CALHM4: variants seen among roughly 807,000 people sequenced by gnomAD.
CALHM4 encodes the protein calcium homeostasis modulator protein 4.
Under a neutral mutation model 13.3 loss-of-function variants are expected in CALHM4, and 16 were observed. The observed-to-expected ratio is 1.20, with a 90% CI of 0.81 to 1.82. CALHM4 has a LOEUF of 1.82. Among genes scored for constraint, CALHM4 ranks in the 40% most tolerant of loss-of-function variants. CALHM4 has a pLI of 0.00. For synonymous variants in CALHM4, 127 were observed against 137.1 expected (o/e 0.93, Z 0.52); for missense variants, 344 against 374.9 (o/e 0.92, Z 0.68).
At chr6:116,531,352 A>C (rs1021671284) in intron 1 of CALHM4, among the ~76,000 whole-genome samples, 1 of 152,166 alleles carries the variant, frequency 6.6e-6, no homozygotes, top group African/African-American at 2.4e-5. Context: ...AAAAACTGTG[A>C]AACACCAGAA....
At chr6:116,553,096 C>T (rs952347698), upstream of CALHM4, among the ~76,000 whole-genome samples, 1 of 152,196 alleles carries the variant, frequency 6.6e-6, no homozygotes, top group African/African-American at 2.4e-5. Context: ...AACAACAAAA[C>T]AAATATCACA....
intron 1 of CALHM4, chr6:116,543,635 A>G: frequency 3.0e-6 from 2 of 665,458 alleles, no homozygotes; most frequent in South Asian, 3.6e-5. Flanking sequence ...TCGTAACATG[A>G]TAACATCTTT....
intron 1 of CALHM4, among the ~76,000 whole-genome samples, chr6:116,541,745 A>G (rs931241142): frequency 3.9e-5 from 6 of 152,200 alleles, no homozygotes; most frequent in Non-Finnish European, 5.9e-5. Context: ...GTGTTTTCTA[A>G]TTCTCACTTT....
In CALHM4 at chr6:116,560,336, T is replaced by A. The variant is rs1774529099; in HGVS notation, c.*2125T>A. 6.6e-6 allele frequency among the ~76,000 whole-genome samples: 1 copy of A among 152,194 alleles called. No individual in the cohort carries two copies. The highest frequency in any genetic ancestry group is 1.5e-5 in the Non-Finnish European group (1 of 68,016). ...CAAAGAATATTTGAAGTTATAGCAT[T>A]ACATCATCAGAAAGAAGATTAATAG... On this transcript the variant is annotated 3_prime_UTR_variant, in exon 2 of 2. Transcript: ENST00000368596.
chr6:116,543,114 C>G (rs540469071), intron 1 of CALHM4, among the ~76,000 whole-genome samples: 47 of 152,116 alleles, frequency 3.1e-4, no homozygotes, highest in Non-Finnish European at 6.0e-4. Flanking sequence ...GGAAAAAAAT[C>G]CTTCCTATTA....
intron 1 of CALHM4, among the ~76,000 whole-genome samples, chr6:116,529,886 G>A (rs950690641): frequency 1.3e-5 from 2 of 152,174 alleles, no homozygotes; most frequent in African/African-American, 4.8e-5. Flanking sequence ...GTGTGTAAGA[G>A]GAGTGTGTGC....
At chr6:116,552,047 T>C (rs184180172), upstream of CALHM4, among the ~76,000 whole-genome samples, 111 of 152,368 alleles carry the variant, frequency 7.3e-4, no homozygotes, top group African/African-American at 2.6e-3. Flanking sequence ...GTGTCTTTCC[T>C]TGGGGCTCAT....
chr6:116,530,408 T>C (rs1431290805), intron 1 of CALHM4, among the ~76,000 whole-genome samples: 1 of 152,072 alleles, frequency 6.6e-6, no homozygotes, highest in East Asian at 1.9e-4. Flanking sequence ...GAAAAAGACT[T>C]AGAAAAAAGA....
At chr6:116,541,478 TAAA>T (rs907780286) in intron 1 of CALHM4, among the ~76,000 whole-genome samples, 1 of 152,152 alleles carries the variant, frequency 6.6e-6, no homozygotes, top group African/African-American at 2.4e-5. Context: ...CCAGAGGCTC[TAAA>T]AAGAGATGAA....
Position 116,554,136 on chromosome 6 carries a change from C to A in CALHM4, c.343C>A (p.Pro115Thr). The A allele has an allele frequency of 6.4e-7, 1 of 1,550,590 alleles. No homozygotes were observed. The highest frequency in any genetic ancestry group is 8.7e-7 in the Non-Finnish European group (1 of 1,146,994). Reference protein sequence around the residue: ...FSITGRAVIAPLTWLAVTLLT... With the variant: ...FSITGRAVIATLTWLAVTLLT... ...CATCACTGGGAGGGCAGTTATTGCT[C>A]CTTTAACTTGGCTGGCGGTGACCCT... The change falls in exon 1 of 2, where the codon CCT becomes ACT. Residue 115 changes from proline to threonine, a missense_variant. Transcript: ENST00000368596.
Position 116,537,459 on chromosome 6 carries a change from A to G in CALHM4, c.-108-6306A>G, listed in dbSNP as rs145506180. On this transcript the variant is annotated intron_variant, in intron 1 of 2. Coordinates refer to the CALHM4 transcript ENST00000368597. The stretch of plus-strand genomic sequence containing the variant: ...AATATGGTTTCTGAATATAATTTCT[A>G]AATGGGGAACATTCTGGGTTTTTTT... Among the ~76,000 whole-genome samples the G allele has an allele frequency of 1.6e-3, 251 of 152,330 alleles. 1 individual carries two copies. The highest frequency in any genetic ancestry group is 3.0e-3 in the Non-Finnish European group (207 of 68,026).
At chr6:116,557,769 C>G (rs1022655083) in intron 1 of CALHM4, 56 bp from the exon 2 acceptor site, 3 of 1,553,968 alleles carry the variant, frequency 1.9e-6, no homozygotes, top group Middle Eastern at 1.8e-4. Flanking sequence ...ATGGCTGTTG[C>G]TTGAATATTT....
chr6:116,553,945 A>G lies in CALHM4; in HGVS notation c.152A>G (p.Tyr51Cys). Reference protein sequence around the residue: ...CPCQVGKNFYYGSAFLVIPAL... With the variant: ...CPCQVGKNFYCGSAFLVIPAL... ...TGTCAGGTTGGAAAAAATTTCTATT[A>G]TGGTTCTGCTTTTCTTGTCATTCCT... The change falls in exon 1 of 2, where the codon TAT (tyrosine) becomes TGT (cysteine). Residue 51 changes from tyrosine to cysteine, a missense_variant. Coordinates refer to ENST00000368596, the MANE Select transcript of CALHM4 (RefSeq NM_001366078.2). 1 of 1,550,566 alleles carries G rather than the reference A, an allele frequency of 6.4e-7. No individual in the cohort carries two copies. The highest frequency in any genetic ancestry group is 8.7e-7 in the Non-Finnish European group (1 of 1,147,004).
chr6:116,537,760 C>T (rs1341988535), intron 1 of CALHM4, among the ~76,000 whole-genome samples: 1 of 152,198 alleles, frequency 6.6e-6, no homozygotes, highest in Non-Finnish European at 1.5e-5. Context: ...GGGGCCTGAA[C>T]AAAAGTCTGC....
chr6:116,553,175 A>ATTCT (rs1774157547), upstream of CALHM4, among the ~76,000 whole-genome samples: 1 of 152,254 alleles, frequency 6.6e-6, no homozygotes, highest in African/African-American at 2.4e-5. Flanking sequence ...ATATAGCAAT[A>ATTCT]TTCTGTCAAT....
Position 116,558,185 on chromosome 6 carries a change from T to C in CALHM4, c.919T>C (p.Ser307Pro), listed in dbSNP as rs773372168. 6.2e-7 allele frequency: 1 copy of C among 1,613,166 alleles called. No homozygotes were observed. The highest frequency in any genetic ancestry group is 8.5e-7 in the Non-Finnish European group (1 of 1,179,800). ...RVDEDNEEDR[S>P]RGIELKP is the part of the protein sequence containing the mutation. Reference sequence around the variant, plus strand: ...GGATGAGGATAATGAGGAAGACAGATCAAGAGGTATTGAATTAAAACCTTG... The same window carrying C: ...GGATGAGGATAATGAGGAAGACAGACCAAGAGGTATTGAATTAAAACCTTG... The change falls in exon 2 of 2, where the codon TCA (serine) becomes CCA (proline). Residue 307 changes from serine (S) to proline (P), a missense_variant. By Grantham distance (74) the Ser-to-Pro change is moderately conservative. Coordinates refer to ENST00000368596, the MANE Select transcript of CALHM4 (RefSeq NM_001366078.2).
upstream of CALHM4, among the ~76,000 whole-genome samples, chr6:116,550,025 T>TATATACAC (rs765467696): frequency 2.1e-5 from 2 of 96,338 alleles, no homozygotes; most frequent in African/African-American, 8.1e-5. Flanking sequence ...TATATATATA[T>TATATACAC]ACACACACAC....
rs926515164 is a variant in CALHM4 at position 116,560,165 on chromosome 6, A to G, written c.*1954A>G. Among the ~76,000 whole-genome samples the G allele has an allele frequency of 1.5e-4, 23 of 152,168 alleles. No homozygotes were observed. Among genetic ancestry groups the G allele is most frequent in the Admixed American group, 8.5e-4 (13 of 15,270 alleles). On this transcript the variant is annotated 3_prime_UTR_variant, in exon 2 of 2. Coordinates refer to ENST00000368596, the MANE Select transcript of CALHM4 (RefSeq NM_001366078.2). ...TCCAGTTCTAAAATTCTGTTCCTATATAACTGATAATTTTTTATATTCTTC... is the reference window on the plus strand; with the variant it reads ...TCCAGTTCTAAAATTCTGTTCCTATGTAACTGATAATTTTTTATATTCTTC...
chr6:116,552,457 CCTT>C (rs1774121338), upstream of CALHM4, among the ~76,000 whole-genome samples: 1 of 152,054 alleles, frequency 6.6e-6, no homozygotes, highest in Non-Finnish European at 1.5e-5. Flanking sequence ...CCTGTCTATT[CCTT>C]CCTTTTTTCT....
Sources: gnomAD v4.1 joint callset for allele counts (sites outside exome capture counted in the v4.1 genomes callset) on GRCh38, gnomAD v4.1.1 for gene constraint, MANE v1.5 for transcripts, NCBI Gene and HGNC (gene_info 2026-07-23, HGNC 2026-07-21) for gene names.